The following NRXN3 variants were observed in gnomAD, a reference collection of about 807,000 sequenced individuals.
NRXN3 encodes the protein neurexin 3.
In NRXN3, 32 loss-of-function variants were observed where a neutral mutation model predicts 137.6. That is an observed-to-expected ratio of 0.23 (90% CI 0.18 to 0.31). NRXN3 has a LOEUF of 0.31. Among genes scored for constraint, NRXN3 ranks in the 10% least tolerant of loss-of-function variants. The pLI, the probability that NRXN3 is intolerant of heterozygous loss-of-function variation, is 1.00. For missense variants in NRXN3, 1,574 were observed against 2,062.5 expected (o/e 0.76, Z 4.59); for synonymous variants, 798 against 784.5 (o/e 1.02, Z -0.29).
chr14:79,838,378 G>A (rs1351744099), intron 20 of NRXN3, among the ~76,000 whole-genome samples: 3 of 152,244 alleles, frequency 2.0e-5, no homozygotes, highest in African/African-American at 4.8e-5. Context: ...GAGACTGTAA[G>A]TGGGTTCCAG....
chr14:78,770,895 G>A (rs1395771925), intron 8 of NRXN3, among the ~76,000 whole-genome samples: 5 of 152,134 alleles, frequency 3.3e-5, no homozygotes, highest in Non-Finnish European at 7.4e-5. Context: ...CCTGGCAAAG[G>A]CCCTCCACTT....
At chr14:79,723,744 T>C (rs553678960) in intron 19 of NRXN3, among the ~76,000 whole-genome samples, 1 of 152,238 alleles carries the variant, frequency 6.6e-6, no homozygotes, top group East Asian at 1.9e-4. Context: ...TCAGGAAGTG[T>C]TTACTCATTT....
At chr14:79,749,971 G>T (rs1345355065) in intron 19 of NRXN3, among the ~76,000 whole-genome samples, 6 of 152,148 alleles carry the variant, frequency 3.9e-5, no homozygotes, top group Non-Finnish European at 1.5e-5. Flanking sequence ...TCTAACTCAT[G>T]ACTTGTGCAC....
At position 79,270,203 on chromosome 14, in the gene NRXN3, G is replaced by A. The variant is rs74976653; in HGVS notation, c.3263-197018G>A. Among the ~76,000 whole-genome samples the A allele has an allele frequency of 1.2e-4, 19 of 152,260 alleles. No individual in the cohort carries two copies. In the East Asian group the frequency reaches 3.7e-3, roughly 29 times the overall value. On this transcript the variant is annotated intron_variant, in intron 15 of 20. Transcript: ENST00000335750. ...CTCACTTGAGCATACCCTGTGATGG[G>A]GAGCTCACTGCCTTGCAGTGAATCT...
At chr14:79,484,573 A>G (rs149211125) in intron 16 of NRXN3, among the ~76,000 whole-genome samples, 1 of 152,238 alleles carries the variant, frequency 6.6e-6, no homozygotes, top group Non-Finnish European at 1.5e-5. Flanking sequence ...TATTCTTTTA[A>G]GCCCCCCAAT....
chr14:78,852,784 G>T (rs2099046081), intron 10 of NRXN3, among the ~76,000 whole-genome samples: 1 of 151,856 alleles, frequency 6.6e-6, no homozygotes, highest in Non-Finnish European at 1.5e-5. Flanking sequence ...TATAAAATAA[G>T]AATGCTAATG....
At chr14:79,085,617 G>T (rs958239014) in intron 15 of NRXN3, among the ~76,000 whole-genome samples, 17 of 152,090 alleles carry the variant, frequency 1.1e-4, no homozygotes, top group Non-Finnish European at 2.4e-4. Flanking sequence ...GTAGTTTAAT[G>T]ACTTGGGCTT....
intron 15 of NRXN3, among the ~76,000 whole-genome samples, chr14:79,186,786 T>A (rs2056788597): frequency 6.6e-6 from 1 of 152,160 alleles, no homozygotes; most frequent in South Asian, 2.1e-4. Context: ...TACAGGGAAA[T>A]CCATGATGTA....
At chr14:79,742,228 C>T (rs2154080828) in intron 19 of NRXN3, among the ~76,000 whole-genome samples, 1 of 152,240 alleles carries the variant, frequency 6.6e-6, no homozygotes, top group Middle Eastern at 3.4e-3. Context: ...ATTTTCTGAG[C>T]ACTTTAACTA....
At chr14:78,202,986 G>A (rs885746) in intron 1 of NRXN3, among the ~76,000 whole-genome samples, 45,269 of 152,066 alleles carry the variant, frequency 0.3, 7,430 homozygotes, top group East Asian at 0.51. Flanking sequence ...CAGCCTGGTC[G>A]GGGCTACCAT....
intron 19 of NRXN3, among the ~76,000 whole-genome samples, chr14:79,780,014 G>T (rs1193354633): frequency 6.6e-6 from 1 of 152,110 alleles, no homozygotes; most frequent in African/African-American, 2.4e-5. Flanking sequence ...ACATGTGTGA[G>T]CCACCACGCC....
intron 15 of NRXN3, among the ~76,000 whole-genome samples, chr14:79,422,154 G>A (rs1201324065): frequency 1.3e-5 from 2 of 152,068 alleles, no homozygotes; most frequent in African/African-American, 4.8e-5. Context: ...CGACATTCTG[G>A]GCTCAAGTGA....
At chr14:78,494,421 G>GTT (rs139596761) in intron 4 of NRXN3, among the ~76,000 whole-genome samples, 10 of 132,440 alleles carry the variant, frequency 7.6e-5, no homozygotes, top group Admixed American at 2.4e-4. Context: ...TACCAGAGGT[G>GTT]TTTTGTTTTT....
At chr14:79,610,814 C>G (rs1441251869) in intron 16 of NRXN3, among the ~76,000 whole-genome samples, 1 of 152,176 alleles carries the variant, frequency 6.6e-6, no homozygotes, top group African/African-American at 2.4e-5. Flanking sequence ...TTTAATTGTT[C>G]ACCCATTTAT....
rs549891023 is a variant in NRXN3, at chr14:79,634,015, A to T, written c.3445-29763A>T. Among the ~76,000 whole-genome samples, 4 of 139,688 alleles carry T rather than the reference A, an allele frequency of 2.9e-5. No individual in the cohort carries two copies. The South Asian group carries it at 6.7e-4, about 23-fold the overall frequency. The allele number at this position is 139,688 out of a possible 152,430, so 91.6% of individuals were successfully genotyped here. A position where few individuals can be genotyped will look rare whatever the true frequency, so the allele number is the denominator to read the frequency against. On this transcript the variant is annotated intron_variant, in intron 16 of 20. Coordinates refer to ENST00000335750, the MANE Select transcript of NRXN3 (RefSeq NM_001330195.2). The stretch of plus-strand genomic sequence containing the variant: ...AACACAAAACCAAAACCACTTAAAA[A>T]AAAAAATCTTAGGCTGTCCCTACAA...
At chr14:79,150,339 G>A (rs537662228) in intron 15 of NRXN3, among the ~76,000 whole-genome samples, 7 of 151,736 alleles carry the variant, frequency 4.6e-5, no homozygotes, top group East Asian at 1.9e-4. Context: ...AGCTGTCTCC[G>A]CCCCCACCCC....
intron 10 of NRXN3, among the ~76,000 whole-genome samples, chr14:78,830,955 C>T (rs2098979911): frequency 6.6e-6 from 1 of 152,106 alleles, no homozygotes; most frequent in African/African-American, 2.4e-5. Context: ...TAAAATATTT[C>T]ACATATTCTT....
intron 15 of NRXN3, among the ~76,000 whole-genome samples, chr14:79,137,300 C>T (rs1001723671): frequency 5.9e-5 from 9 of 152,136 alleles, no homozygotes; most frequent in Non-Finnish European, 1.2e-4. Context: ...AGAAAATTTG[C>T]TTGTCATCAG....
At chr14:79,290,040 C>T (rs2082914855) in intron 15 of NRXN3, among the ~76,000 whole-genome samples, 1 of 152,208 alleles carries the variant, frequency 6.6e-6, no homozygotes, top group East Asian at 1.9e-4. Flanking sequence ...CACGTTAAAA[C>T]ATAACCATGT....
Sources: allele counts gnomAD v4.1 joint callset (sites outside exome capture counted in the v4.1 genomes callset), GRCh38; gene constraint gnomAD v4.1.1; transcripts MANE v1.5; gene names NCBI Gene and HGNC (gene_info 2026-07-23, HGNC 2026-07-21).